BBS5: variants seen among roughly 807,000 people sequenced by gnomAD.
BBS5 encodes the protein Bardet-Biedl syndrome 5, also known as BBSome complex member BBS5.
In BBS5, 39 loss-of-function variants were observed where a neutral mutation model predicts 50.2. The ratio of observed to expected loss-of-function variants is 0.78; its 90% CI spans 0.60 to 1.01. BBS5 has a LOEUF of 1.01. Among genes scored for constraint, BBS5 ranks in the 50% least tolerant of loss-of-function variants. The probability of loss-of-function intolerance (pLI) is 0.00; values close to 1 mark genes in which losing one functional copy is unlikely to be tolerated. For missense variants in BBS5, 356 were observed against 401.5 expected (o/e 0.89, Z 0.97); for synonymous variants, 134 against 133.1 (o/e 1.01, Z -0.05).
chr2:169,480,700 A>G (rs1162204616), intron 1 of BBS5, among the ~76,000 whole-genome samples: 8 of 47,734 alleles, frequency 1.7e-4, no homozygotes, highest in Non-Finnish European at 3.0e-4. Context: ...TTTTTTTTTG[A>G]GACAGAGTTT....
At chr2:169,491,338 C>T (rs1244702521) in intron 5 of BBS5, among the ~76,000 whole-genome samples, 2 of 152,070 alleles carry the variant, frequency 1.3e-5, no homozygotes, top group African/African-American at 2.4e-5. Context: ...TCTATTTCTT[C>T]CACTGGTTAA....
intron 9 of BBS5, among the ~76,000 whole-genome samples, chr2:169,501,577 A>T (rs1313704246): frequency 6.6e-6 from 1 of 151,930 alleles, no homozygotes; most frequent in Non-Finnish European, 1.5e-5. Flanking sequence ...TCTCTACTAA[A>T]TTTTTTTTAA....
At chr2:169,487,692 A>G (rs886652450) in intron 3 of BBS5, 114 bp from the exon 4 acceptor site, 10 of 679,182 alleles carry the variant, frequency 1.5e-5, no homozygotes, top group African/African-American at 1.1e-4. Context: ...TTATTTCTAT[A>G]TATGTTTAAT....
rs779349158 is a variant in BBS5, at chr2:169,492,967, A to G, written c.480A>G (p.Val160=). ...TAAGACTGTTGCCACAAGAACATGTATATGATAAAATAAATGGAGTTTGGA... is the reference window on the plus strand; with the variant it reads ...TAAGACTGTTGCCACAAGAACATGTGTATGATAAAATAAATGGAGTTTGGA... ...KQLRLLPQEH[V]YDKINGVWNL... is the part of the protein sequence containing the mutation. Residue 160 remains valine, a synonymous_variant, in exon 6 of 12, where the codon GTA becomes GTG. Transcript: ENST00000295240. 48 of 1,613,636 alleles carry G rather than the reference A, an allele frequency of 3.0e-5. No homozygotes were observed. The highest frequency in any genetic ancestry group is 5.0e-5 in the Admixed American group (3 of 60,008).
At chr2:169,487,741 TAGAAAAG>T in intron 3 of BBS5, 58 bp from the exon 4 acceptor site, 1 of 1,210,710 alleles carries the variant, frequency 8.3e-7, no homozygotes, top group Admixed American at 1.8e-5. Context: ...ACTTTTTTTT[TAGAAAAG>T]TATTTTTTCT....
In BBS5 at chr2:169,506,490, TAA is replaced by T. The variant is rs77146558; in HGVS notation, c.*1920_*1921del. The T allele has an allele frequency of 6.3e-5, 9 of 143,110 alleles. No homozygotes were observed. The highest frequency in any genetic ancestry group is 2.0e-4 in the East Asian group (1 of 4,924). 8.9% of individuals were successfully genotyped at this position (143,110 alleles called of 1,614,324 possible). A position where few individuals can be genotyped will look rare whatever the true frequency, so the allele number is the denominator to read the frequency against. On this transcript the variant is annotated 3_prime_UTR_variant, in exon 12 of 12. Transcript: ENST00000295240. ...TCTTACCCTAAAACTTAAAGTATAA[TAA>T]AAAAAAAAAAACTTCAGTTTTCTAA...
rs1192298945 is a variant in BBS5, at chr2:169,495,465, TC to T, written c.618+1630del. ...TTCAAGTGGCCCAAACAACTTGCAA[TC>T]TGATATCATCACAGTCTGTCACTGC... is the stretch of plus-strand genomic sequence containing the variant. On this transcript the variant is annotated intron_variant, in intron 7 of 11. Transcript: ENST00000295240. Among the ~76,000 whole-genome samples, 14 of 152,322 alleles carry T rather than the reference TC, an allele frequency of 9.2e-5. No homozygotes were observed. In the East Asian group the frequency reaches 2.7e-3, roughly 29 times the overall value.
rs748399479 is a variant in BBS5 at position 169,487,159 on chromosome 2, T to C, written c.208+25T>C. On this transcript the variant is annotated intron_variant, in intron 3 of 11. Transcript: ENST00000295240. ...TGTAAGTATCTTTGTTAGATAAGTC[T>C]GAAGAAAAAAAATCCTTTGTCAGGT... The C allele has an allele frequency of 1.9e-6, 3 of 1,548,594 alleles. No homozygotes were observed. The Admixed American group carries it at 5.0e-5, about 26-fold the overall frequency.
Position 169,487,854 on chromosome 2 carries a change from CTG to C in BBS5, c.258+1_258+2del. 6.2e-7 allele frequency: 1 copy of C among 1,603,976 alleles called. No individual in the cohort carries two copies. Among genetic ancestry groups the C allele is most frequent in the Non-Finnish European group, 8.5e-7 (1 of 1,171,826 alleles). ...AATATTACAACAAGGACTGCTAACT[CTG>C]TAAGTCTAAAAAATCTTATTGCAAT... On this transcript the variant is annotated splice_donor_variant and coding_sequence_variant, in exon 4 of 12. Coordinates refer to ENST00000295240, the MANE Select transcript of BBS5 (RefSeq NM_152384.3). LOFTEE classifies it high-confidence loss of function.
chr2:169,481,374 G>A (rs1483316129), intron 1 of BBS5, among the ~76,000 whole-genome samples: 1 of 152,226 alleles, frequency 6.6e-6, no homozygotes, highest in Non-Finnish European at 1.5e-5. Context: ...GTTAGAAGCA[G>A]TCTTGGAGCT....
rs1453133975 is a variant in BBS5 at position 169,506,359 on chromosome 2, G to A, written c.*1777G>A. 2 of 187,494 alleles carry A rather than the reference G, an allele frequency of 1.1e-5. No individual in the cohort carries two copies. The highest frequency in any genetic ancestry group is 2.1e-5 in the Non-Finnish European group (2 of 94,278). 11.6% of individuals were successfully genotyped at this position (187,494 alleles called of 1,614,324 possible). On this transcript the variant is annotated 3_prime_UTR_variant, in exon 12 of 12. Transcript: ENST00000295240. The stretch of plus-strand genomic sequence containing the variant: ...ACAGTGGCGGCTTTGTGGAGTGGAG[G>A]TGGGGGGAAGGTGGGGAAAAGATTG...
In BBS5 at chr2:169,503,139, T is replaced by C. The variant is rs1321191223; in HGVS notation, c.861T>C (p.Asp287=). The C allele has an allele frequency of 1.4e-5, 22 of 1,613,944 alleles. 1 individual carries two copies. In the Admixed American group the frequency reaches 3.5e-4, roughly 26 times the overall value. Residue 287 remains aspartate (D), a synonymous_variant, in exon 10 of 12, where the codon GAT becomes GAC. Transcript: ENST00000295240. ...TGACAGTCGAACAAATTCAAGATGA[T>C]GTAGAAATAGACTCTGATGGTCACA... is the stretch of plus-strand genomic sequence containing the variant. ...EALTVEQIQD[D]VEIDSDGHTD... is the part of the protein sequence containing the mutation.
chr2:169,482,193 T>A, intron 1 of BBS5, 58 bp from the exon 2 acceptor site: 1 of 1,050,564 alleles, frequency 9.5e-7, no homozygotes, highest in South Asian at 1.3e-5. Flanking sequence ...TCTCCCTAAA[T>A]AGATTGCAAG....
chr2:169,491,192 CT>C (rs1683596699), intron 5 of BBS5, among the ~76,000 whole-genome samples: 2 of 152,088 alleles, frequency 1.3e-5, no homozygotes, highest in African/African-American at 4.8e-5. Context: ...AACCTTAGCT[CT>C]TTATTTCACT....
intron 9 of BBS5, among the ~76,000 whole-genome samples, chr2:169,502,306 T>G (rs540555843): frequency 6.6e-6 from 1 of 152,192 alleles, no homozygotes; most frequent in African/African-American, 2.4e-5. Context: ...TTATTATCCT[T>G]ATCCCACAGT....
intron 9 of BBS5, among the ~76,000 whole-genome samples, chr2:169,502,524 T>C (rs1377468486): frequency 6.6e-6 from 1 of 152,232 alleles, no homozygotes; most frequent in Non-Finnish European, 1.5e-5. Context: ...CATTGTGTCT[T>C]ATATTTTCCT....
Position 169,493,835 on chromosome 2 carries a change from T to G in BBS5, c.617T>G (p.Ile206Ser). 1 of 1,564,540 alleles carries G rather than the reference T, an allele frequency of 6.4e-7. No individual in the cohort carries two copies. Among genetic ancestry groups the G allele is most frequent in the South Asian group, 1.1e-5 (1 of 89,786 alleles). ...AATGTCAGTATACCATATCTGCAAA[T>G]TGTAAGTACATACATTTTGATGACC... ...SFNVSIPYLQ[I>S]RSIKIRDSKF... Residue 206 changes from isoleucine to serine, a missense_variant and splice_region_variant, in exon 7 of 12, where the codon ATT (isoleucine) becomes AGT (serine). By Grantham distance (142) the Ile-to-Ser change is moderately radical (BLOSUM62 -2). Transcript: ENST00000295240.
At chr2:169,490,976 A>G (rs973546250) in intron 5 of BBS5, among the ~76,000 whole-genome samples, 3 of 151,932 alleles carry the variant, frequency 2.0e-5, no homozygotes, top group South Asian at 2.1e-4. Context: ...ATGTTGTAGC[A>G]TGTATCAGTA....
rs1683870228 is a variant in BBS5 at position 169,504,699 on chromosome 2, T to A, written c.*117T>A. On this transcript the variant is annotated 3_prime_UTR_variant, in exon 12 of 12. Transcript: ENST00000295240. ...TTACAGCTTTTATATTTAAAACTTG[T>A]AAGAGTTTTTTTAATGATTGAGGAA... 1.7e-6 allele frequency: 2 copies of A among 1,186,940 alleles called. No homozygotes were observed. Among genetic ancestry groups the A allele is most frequent in the Non-Finnish European group, 2.4e-6 (2 of 824,478 alleles). The allele number at this position is 1,186,940 out of a possible 1,614,324, so 73.5% of individuals were successfully genotyped here.
Sources: gnomAD v4.1 joint callset for allele counts (sites outside exome capture counted in the v4.1 genomes callset) on GRCh38, gnomAD v4.1.1 for gene constraint, MANE v1.5 for transcripts, NCBI Gene and HGNC (gene_info 2026-07-23, HGNC 2026-07-21) for gene names.